The following CADPS variants were observed in gnomAD, a reference collection of about 807,000 sequenced individuals.
The protein encoded by CADPS is calcium dependent secretion activator.
Under a neutral mutation model 167.3 loss-of-function variants are expected in CADPS, and 57 were observed. That is an observed-to-expected ratio of 0.34 (90% CI 0.28 to 0.42). The LOEUF (loss-of-function observed/expected upper bound fraction) is 0.42. CADPS is among the 20% of genes least tolerant of loss of function. The pLI is 1.00. For missense variants in CADPS, 1,414 were observed against 1,738.1 expected (o/e 0.81, Z 3.32); for synonymous variants, 676 against 635.3 (o/e 1.06, Z -0.96).
chr3:62,465,412 G>A lies in CADPS; in HGVS notation c.3591C>T (p.Ser1197=). ...TILEGVLAKL[S]RYDEGTLFSS... is the part of the protein sequence containing the mutation. ...AAAACAAAGTCCCTTCGTCATATCT[G>A]GATAATTTTGCCAGCACTCCTTCCA... is the stretch of plus-strand genomic sequence containing the variant. Residue 1197 remains serine, a synonymous_variant, in exon 26 of 30, where the codon TCC becomes TCT. Coordinates refer to ENST00000383710, the MANE Select transcript of CADPS (RefSeq NM_003716.4). The surrounding 1 kb of genome is among the most constrained non-coding windows in gnomAD (Gnocchi z 4.1). The A allele has an allele frequency of 1.2e-6, 2 of 1,609,464 alleles. No individual in the cohort carries two copies. Among genetic ancestry groups the A allele is most frequent in the African/African-American group, 1.3e-5 (1 of 74,866 alleles).
intron 13 of CADPS, among the ~76,000 whole-genome samples, chr3:62,519,386 T>G (rs930780640): frequency 6.6e-6 from 1 of 152,202 alleles, no homozygotes; most frequent in African/African-American, 2.4e-5. Flanking sequence ...ATGACAGCAA[T>G]GTACCTCCTG....
At chr3:62,654,711 G>C (rs190359325) in intron 4 of CADPS, among the ~76,000 whole-genome samples, 1 of 152,242 alleles carries the variant, frequency 6.6e-6, no homozygotes, top group East Asian at 1.9e-4. Context: ...ACACTGACCT[G>C]TATCTTGCCT....
chr3:62,650,852 A>G lies in CADPS; in HGVS notation c.1198T>C (p.Leu400=), dbSNP rs1436502072. The G allele has an allele frequency of 1.9e-6, 3 of 1,613,458 alleles. No homozygotes were observed. The highest frequency in any genetic ancestry group is 1.3e-5 in the African/African-American group (1 of 75,014). The change falls in exon 5 of 30, where the codon TTG becomes CTG. Residue 400 remains leucine, a synonymous_variant. Coordinates refer to ENST00000383710, the MANE Select transcript of CADPS (RefSeq NM_003716.4). The part of the protein sequence containing the change: ...SKSDVVLSFS[L]EVVIMEVQGL... ...AAGGGCTCAGGGCTTTTTACCTCCA[A>G]TGAGAAAGACAGCACGACATCTGAC...
chr3:62,565,912 ACT>A (rs1429719372), intron 9 of CADPS, among the ~76,000 whole-genome samples: 1 of 152,074 alleles, frequency 6.6e-6, no homozygotes, highest in Non-Finnish European at 1.5e-5. Flanking sequence ...AAAAAAGTAG[ACT>A]CTGTGTGTAT....
chr3:62,437,422 A>C (rs2055346973), intron 28 of CADPS, among the ~76,000 whole-genome samples: 1 of 151,218 alleles, frequency 6.6e-6, no homozygotes, highest in Non-Finnish European at 1.5e-5. Flanking sequence ...AAGATTGCTC[A>C]AAAATGATTA....
At chr3:62,499,343 A>T (rs529760064) in intron 17 of CADPS, 75 bp from the exon 18 acceptor site, 1 of 872,110 alleles carries the variant, frequency 1.1e-6, no homozygotes, top group East Asian at 2.5e-5. Context: ...ACTAGTGGAT[A>T]AGAAATTGAG....
chr3:62,498,790 T>C (rs2065224416), intron 18 of CADPS, among the ~76,000 whole-genome samples: 1 of 151,470 alleles, frequency 6.6e-6, no homozygotes. Flanking sequence ...GTGGTTCTCA[T>C]ACCAAATAAC....
At chr3:62,823,618 T>C (rs1342862654) in intron 1 of CADPS, among the ~76,000 whole-genome samples, 1 of 152,200 alleles carries the variant, frequency 6.6e-6, no homozygotes, top group Non-Finnish European at 1.5e-5. Flanking sequence ...CAGCTGTAGT[T>C]TGCAAATTCA....
intron 3 of CADPS, among the ~76,000 whole-genome samples, chr3:62,703,986 A>T (rs1330142979): frequency 6.6e-6 from 1 of 152,084 alleles, no homozygotes; most frequent in African/African-American, 2.4e-5. Context: ...TCAACTCACC[A>T]TGCTGCAGGA....
intron 1 of CADPS, among the ~76,000 whole-genome samples, chr3:62,788,925 A>G (rs893353537): frequency 6.6e-6 from 1 of 152,224 alleles, no homozygotes; most frequent in Non-Finnish European, 1.5e-5. Context: ...AGGACTGCAA[A>G]TAGGAAACAG....
intron 3 of CADPS, among the ~76,000 whole-genome samples, chr3:62,697,670 A>G (rs13071752): frequency 0.077 from 11,750 of 152,182 alleles, 613 homozygotes; most frequent in Non-Finnish European, 0.12. Flanking sequence ...TAGTTCTTTA[A>G]GGAATCTGCA....
intron 3 of CADPS, among the ~76,000 whole-genome samples, chr3:62,695,092 T>C (rs897850478): frequency 1.3e-5 from 2 of 152,096 alleles, no homozygotes; most frequent in Admixed American, 6.6e-5. Flanking sequence ...TTATTGGAGA[T>C]TAAATTTACA....
chr3:62,419,577 G>C (rs572465316), intron 28 of CADPS, among the ~76,000 whole-genome samples: 1 of 152,262 alleles, frequency 6.6e-6, no homozygotes, highest in South Asian at 2.1e-4. Flanking sequence ...TAATTTATCT[G>C]AAAACTATTC....
At chr3:62,780,318 T>A (rs2091324028) in intron 1 of CADPS, among the ~76,000 whole-genome samples, 1 of 152,110 alleles carries the variant, frequency 6.6e-6, no homozygotes, top group African/African-American at 2.4e-5. Flanking sequence ...CTTCGGAGGC[T>A]GAGATGGGAG....
At chr3:62,733,779 G>T (rs1226373839) in intron 3 of CADPS, among the ~76,000 whole-genome samples, 1 of 124,540 alleles carries the variant, frequency 8.0e-6, no homozygotes, top group Non-Finnish European at 1.7e-5. Context: ...TGAGATGCTG[G>T]TGCTCCTGTC....
rs949201695 is a variant in CADPS, at chr3:62,407,511, G to T, written c.3778-4326C>A. On this transcript the variant is annotated intron_variant, in intron 28 of 29. Coordinates refer to ENST00000383710, the MANE Select transcript of CADPS (RefSeq NM_003716.4). Reference sequence around the variant, plus strand: ...TGAGTTACAGCTTCACCTTACACTGGCTACTTATTAGCTGGGTAACCTCAA... The same window carrying T: ...TGAGTTACAGCTTCACCTTACACTGTCTACTTATTAGCTGGGTAACCTCAA... Among the ~76,000 whole-genome samples, 4 of 152,244 alleles carry T rather than the reference G, an allele frequency of 2.6e-5. No individual in the cohort carries two copies. The South Asian group carries it at 8.3e-4, about 32-fold the overall frequency.
At position 62,536,597 on chromosome 3, in the gene CADPS, T is replaced by C. The variant is rs770392512; in HGVS notation, c.1967-16A>G. On this transcript the variant is annotated splice_polypyrimidine_tract_variant and intron_variant, in intron 11 of 29. Transcript: ENST00000383710. Reference sequence around the variant, plus strand: ...CTATCTGCGTCTGTTCATTTATACATGTAGAGAGAGACACAATTTAGAGAA... The same window carrying C: ...CTATCTGCGTCTGTTCATTTATACACGTAGAGAGAGACACAATTTAGAGAA... The C allele has an allele frequency of 1.1e-5, 18 of 1,610,114 alleles. No homozygotes were observed. Among genetic ancestry groups the C allele is most frequent in the African/African-American group, 4.0e-5 (3 of 74,732 alleles).
intron 9 of CADPS, among the ~76,000 whole-genome samples, chr3:62,564,451 C>A (rs1254175274): frequency 2.0e-5 from 3 of 152,156 alleles, no homozygotes; most frequent in Non-Finnish European, 4.4e-5. Flanking sequence ...GCTTGACGAA[C>A]ACTTTGTAAA....
chr3:62,829,997 C>T (rs2074779733), intron 1 of CADPS, among the ~76,000 whole-genome samples: 1 of 152,142 alleles, frequency 6.6e-6, no homozygotes, highest in Admixed American at 6.5e-5. Flanking sequence ...TGTCTACCAC[C>T]ACCATGTGGG....
Sources: allele counts gnomAD v4.1 joint callset (sites outside exome capture counted in the v4.1 genomes callset), GRCh38; gene constraint gnomAD v4.1.1; non-coding constraint Gnocchi (gnomAD v3.1); transcripts MANE v1.5; gene names NCBI Gene and HGNC (gene_info 2026-07-23, HGNC 2026-07-21).